B4GALT5: variants seen among roughly 807,000 people sequenced by gnomAD.
B4GALT5 encodes the protein UDP-Gal:beta-GlcNAc beta-1,4-galactosyltransferase 5.
A neutral mutation model predicts 45.0 loss-of-function variants in B4GALT5; 11 were observed. That is an observed-to-expected ratio of 0.24 (90% CI 0.15 to 0.40). B4GALT5 has a LOEUF of 0.40. Among genes scored for constraint, B4GALT5 ranks in the 10% least tolerant of loss-of-function variants. B4GALT5 has a pLI of 1.00. For synonymous variants in B4GALT5, 185 were observed against 182.9 expected, an observed-to-expected ratio of 1.01 and a Z score of -0.09; for missense variants, 337 against 500.2, an observed-to-expected ratio of 0.67 and a Z score of 3.11.
intron 1 of B4GALT5, among the ~76,000 whole-genome samples, chr20:49,707,048 CG>C (rs1311952355): frequency 6.6e-6 from 1 of 152,008 alleles, no homozygotes; most frequent in Non-Finnish European, 1.5e-5. Context: ...TCAGCTGGGG[CG>C]GGGGGAGTTG....
chr20:49,705,059 A>G (rs984232759), intron 1 of B4GALT5, among the ~76,000 whole-genome samples: 2 of 152,210 alleles, frequency 1.3e-5, no homozygotes, highest in Non-Finnish European at 2.9e-5. Flanking sequence ...TGTGATTCCC[A>G]TGCTTGGGAA....
intron 1 of B4GALT5, among the ~76,000 whole-genome samples, chr20:49,697,468 C>T (rs959738579): frequency 2.6e-5 from 4 of 152,238 alleles, no homozygotes; most frequent in African/African-American, 9.6e-5. Flanking sequence ...TCCTCTACCT[C>T]ATACCAGTTC....
intron 7 of B4GALT5, among the ~76,000 whole-genome samples, chr20:49,637,947 C>T (rs1028121210): frequency 3.3e-5 from 5 of 151,434 alleles, no homozygotes; most frequent in African/African-American, 9.7e-5. Flanking sequence ...AAGAAAAGTA[C>T]GGAAAGAAAT....
chr20:49,654,137 G>C (rs904467932), intron 2 of B4GALT5, among the ~76,000 whole-genome samples: 1 of 152,188 alleles, frequency 6.6e-6, no homozygotes, highest in African/African-American at 2.4e-5. Flanking sequence ...TGCTATACAG[G>C]GGAGAGCGCT....
intron 1 of B4GALT5, among the ~76,000 whole-genome samples, chr20:49,678,661 A>T (rs2085749979): frequency 6.6e-6 from 1 of 152,218 alleles, no homozygotes; most frequent in African/African-American, 2.4e-5. Flanking sequence ...GCAAGGACAC[A>T]TTCTCTCAAA....
At chr20:49,667,258 G>A (rs967449661) in intron 1 of B4GALT5, among the ~76,000 whole-genome samples, 1 of 144,360 alleles carries the variant, frequency 6.9e-6, no homozygotes, top group Non-Finnish European at 1.5e-5. Flanking sequence ...TTGTGTTGTT[G>A]TTGTTTTTTT....
At chr20:49,643,373 G>A (rs2122999105) in intron 4 of B4GALT5, among the ~76,000 whole-genome samples, 153 bp downstream of exon 4, 1 of 152,244 alleles carries the variant, frequency 6.6e-6, no homozygotes, top group Non-Finnish European at 1.5e-5. Context: ...GAGTCCTTGT[G>A]GAAACCCATT....
intron 1 of B4GALT5, among the ~76,000 whole-genome samples, chr20:49,663,294 G>A (rs2085672498): frequency 6.6e-6 from 1 of 152,032 alleles, no homozygotes; most frequent in Non-Finnish European, 1.5e-5. Context: ...CATTCACCAA[G>A]CTTTTTGCTT....
At chr20:49,699,869 TAA>T (rs1056182449) in intron 1 of B4GALT5, among the ~76,000 whole-genome samples, 1 of 152,166 alleles carries the variant, frequency 6.6e-6, no homozygotes, top group African/African-American at 2.4e-5. Context: ...GGACAGAACT[TAA>T]AGTCATTCCT....
intron 1 of B4GALT5, among the ~76,000 whole-genome samples, chr20:49,666,415 T>C (rs2085690940): frequency 1.3e-5 from 2 of 152,240 alleles, no homozygotes; most frequent in Admixed American, 1.3e-4. Context: ...TTTCTTTCTC[T>C]GAATTTACTC....
intron 1 of B4GALT5, among the ~76,000 whole-genome samples, chr20:49,708,318 A>G (rs1397665236): frequency 6.6e-6 from 1 of 152,222 alleles, no homozygotes; most frequent in African/African-American, 2.4e-5. Flanking sequence ...TGAATTATCA[A>G]CATTCTATAT....
At chr20:49,670,435 A>AT (rs1022446213) in intron 1 of B4GALT5, among the ~76,000 whole-genome samples, 1 of 151,990 alleles carries the variant, frequency 6.6e-6, no homozygotes, top group East Asian at 1.9e-4. Flanking sequence ...GTAATGATTT[A>AT]TTTTTTTGAG....
intron 4 of B4GALT5, among the ~76,000 whole-genome samples, chr20:49,643,054 C>T (rs769260362): frequency 2.6e-5 from 4 of 152,212 alleles, no homozygotes; most frequent in Admixed American, 2.0e-4. Flanking sequence ...TTAATAGATA[C>T]TTGTTGAAAG....
intron 1 of B4GALT5, among the ~76,000 whole-genome samples, chr20:49,713,122 G>A (rs981170664): frequency 6.6e-6 from 1 of 151,736 alleles, no homozygotes; most frequent in East Asian, 1.9e-4. Flanking sequence ...CCTGGGACCC[G>A]GGCACATGGG....
At chr20:49,692,156 T>G (rs2085815850) in intron 1 of B4GALT5, among the ~76,000 whole-genome samples, 1 of 151,284 alleles carries the variant, frequency 6.6e-6, no homozygotes. Flanking sequence ...CACCTACTGT[T>G]TTTTTTTTAA....
At chr20:49,691,643 G>A (rs2085812707) in intron 1 of B4GALT5, among the ~76,000 whole-genome samples, 1 of 152,080 alleles carries the variant, frequency 6.6e-6, no homozygotes. Flanking sequence ...AACATTTTTA[G>A]TTAGTATATA....
chr20:49,701,256 G>A (rs1302769358), intron 1 of B4GALT5, among the ~76,000 whole-genome samples: 1 of 152,084 alleles, frequency 6.6e-6, no homozygotes. Flanking sequence ...GAACATAAAA[G>A]TTTTCTAAGT....
intron 2 of B4GALT5, among the ~76,000 whole-genome samples, chr20:49,655,928 CA>C (rs59460026): frequency 0.76 from 88,012 of 116,054 alleles, 31,847 homozygotes; most frequent in Middle Eastern, 0.85. Context: ...AACTCCGTCT[CA>C]AAAAAAAAAA....
At chr20:49,691,543 A>C (rs538263048) in intron 1 of B4GALT5, among the ~76,000 whole-genome samples, 2 of 152,220 alleles carry the variant, frequency 1.3e-5, no homozygotes, top group South Asian at 4.2e-4. Flanking sequence ...CCACACGCCA[A>C]AACATGTTCT....
Sources: gnomAD v4.1 joint callset for allele counts (sites outside exome capture counted in the v4.1 genomes callset) on GRCh38, gnomAD v4.1.1 for gene constraint, MANE v1.5 for transcripts, NCBI Gene and HGNC (gene_info 2026-07-23, HGNC 2026-07-21) for gene names.